Variants in CCDC73 observed in about 807,000 individuals in gnomAD.
CCDC73 encodes coiled-coil domain containing 73.
Under a neutral mutation model 116.5 loss-of-function variants are expected in CCDC73, and 95 were observed. The ratio of observed to expected loss-of-function variants is 0.82; its 90% confidence interval spans 0.69 to 0.97. The LOEUF (loss-of-function observed/expected upper bound fraction) is 0.97, where lower values mean the gene tolerates loss of function less well. Ranked by LOEUF, CCDC73 falls within the 50% of genes least tolerant of loss-of-function variation. The pLI is 0.00. For synonymous variants in CCDC73, 398 were observed against 401.3 expected (o/e 0.99, Z 0.10); for missense variants, 1,066 against 1,206.8 (o/e 0.88, Z 1.73).
At chr11:32,663,898 G>T (rs1442781378) in intron 9 of CCDC73, among the ~76,000 whole-genome samples, 1 of 152,164 alleles carries the variant, frequency 6.6e-6, no homozygotes, top group Non-Finnish European at 1.5e-5. Flanking sequence ...AAGGGCTGTT[G>T]AATTTTGTCA....
chr11:32,628,458 G>A (rs1291685704), intron 14 of CCDC73, among the ~76,000 whole-genome samples: 1 of 152,188 alleles, frequency 6.6e-6, no homozygotes, highest in Non-Finnish European at 1.5e-5. Flanking sequence ...AGTAGTAAAA[G>A]TCCATGAAGA....
Position 32,631,879 on chromosome 11 carries a change from G to A in CCDC73, c.1185+3817C>T, listed in dbSNP as rs149469565. On this transcript the variant is annotated intron_variant, in intron 14 of 17. Transcript: ENST00000335185. ...ATATAGGCAGGCAGGCAGGCAGATA[G>A]ACAGACAGACACAGAGATATATACA... Among the ~76,000 whole-genome samples, 81 of 152,100 alleles carry A rather than the reference G, an allele frequency of 5.3e-4. 1 individual carries two copies. The highest frequency in any genetic ancestry group is 1.9e-3 in the African/African-American group (78 of 41,488).
At chr11:32,657,310 A>G (rs1312948545) in intron 9 of CCDC73, among the ~76,000 whole-genome samples, 1 of 152,230 alleles carries the variant, frequency 6.6e-6, no homozygotes, top group Non-Finnish European at 1.5e-5. Flanking sequence ...TTGGATATGT[A>G]CACTGCATAA....
intron 9 of CCDC73, among the ~76,000 whole-genome samples, chr11:32,672,291 G>A (rs904796854): frequency 6.6e-6 from 1 of 152,134 alleles, no homozygotes; most frequent in South Asian, 2.1e-4. Context: ...GCAATGAGCC[G>A]AGATTGCGCC....
At chr11:32,683,657 A>G (rs1590592076) in intron 6 of CCDC73, 83 bp from the exon 7 acceptor site, 1 of 788,734 alleles carries the variant, frequency 1.3e-6, no homozygotes, top group Non-Finnish European at 2.1e-6. Flanking sequence ...TGCGTGCTAT[A>G]AAATGTGGCA....
intron 7 of CCDC73, among the ~76,000 whole-genome samples, chr11:32,678,911 CACACACACACAG>C (rs1856118814): frequency 6.7e-6 from 1 of 148,426 alleles, no homozygotes; most frequent in Admixed American, 6.8e-5. Context: ...TATATATATA[CACACACACACAG>C]ACACACACAC....
intron 6 of CCDC73, among the ~76,000 whole-genome samples, chr11:32,684,009 G>C (rs1856171599): frequency 6.6e-6 from 1 of 151,948 alleles, no homozygotes; most frequent in African/African-American, 2.4e-5. Context: ...ACAATCCACA[G>C]ATAACAGTCA....
the CCDC73 span, among the ~76,000 whole-genome samples, chr11:32,819,248 C>T: frequency 6.6e-6 from 1 of 150,860 alleles, no homozygotes; most frequent in African/African-American, 2.4e-5. Context: ...TTCAAATTAT[C>T]ATGATTACGA....
chr11:32,664,482 T>C (rs943326787), intron 9 of CCDC73, among the ~76,000 whole-genome samples: 1 of 152,246 alleles, frequency 6.6e-6, no homozygotes, highest in African/African-American at 2.4e-5. Context: ...GTGTTTATAG[T>C]ATTCTCTGAT....
chr11:32,611,991 G>A (rs930257377), intron 16 of CCDC73, among the ~76,000 whole-genome samples: 2 of 152,138 alleles, frequency 1.3e-5, no homozygotes, highest in African/African-American at 4.8e-5. Context: ...AATATATTTT[G>A]TGACCTTGAA....
intron 9 of CCDC73, 49 bp downstream of exon 9, chr11:32,675,516 T>C (rs1384808058): frequency 2.5e-6 from 3 of 1,199,186 alleles, no homozygotes; most frequent in African/African-American, 3.1e-5. Context: ...CATAAGACTA[T>C]TTTATATTAT....
Position 32,641,959 on chromosome 11 carries a change from T to G in CCDC73, c.1050+13A>C. ...TTAAAATATTTTAATATTTTTCTAT[T>G]TAATAAACTTACATGTCTTTTCCAA... On this transcript the variant is annotated intron_variant, in intron 13 of 17. Transcript: ENST00000335185. 7.0e-7 allele frequency: 1 copy of G among 1,431,622 alleles called. No homozygotes were observed. Among genetic ancestry groups the G allele is most frequent in the Non-Finnish European group, 9.2e-7 (1 of 1,084,136 alleles). 88.7% of individuals were successfully genotyped at this position (1,431,622 alleles called of 1,614,324 possible).
At chr11:32,805,987 C>G in the CCDC73 span, among the ~76,000 whole-genome samples, 1 of 152,230 alleles carries the variant, frequency 6.6e-6, no homozygotes, top group African/African-American at 2.4e-5. Flanking sequence ...CAAAGTTAAA[C>G]AAGCTATAGC....
chr11:32,700,459 T>C (rs1300204537), intron 5 of CCDC73, among the ~76,000 whole-genome samples: 1 of 152,200 alleles, frequency 6.6e-6, no homozygotes, highest in Non-Finnish European at 1.5e-5. Flanking sequence ...ATAGAAACAC[T>C]GCAGTGGAAT....
chr11:32,699,314 T>C lies in CCDC73; in HGVS notation c.327A>G (p.Gln109=), dbSNP rs746684243. 4 of 1,573,814 alleles carry C rather than the reference T, an allele frequency of 2.5e-6. No individual in the cohort carries two copies. Among genetic ancestry groups the C allele is most frequent in the Admixed American group, 3.5e-5 (2 of 57,506 alleles). ...CALEEEKGKY[Q]LATEIKEKEI... is the part of the protein sequence containing the mutation. ...CTTTTTCCTTTATTTCTGTAGCAAG[T>C]TGATATTTTCCCTTTAAGTAAAAAA... The change falls in exon 6 of 18, where the codon CAA becomes CAG. Residue 109 remains glutamine, a synonymous_variant. Transcript: ENST00000335185.
At chr11:32,633,120 C>A (rs1434698408) in intron 14 of CCDC73, among the ~76,000 whole-genome samples, 1 of 152,196 alleles carries the variant, frequency 6.6e-6, no homozygotes, top group Non-Finnish European at 1.5e-5. Flanking sequence ...GTGGCACGAT[C>A]TCGGCTCACT....
At chr11:32,677,098 T>G (rs1856096347) in intron 7 of CCDC73, among the ~76,000 whole-genome samples, 1 of 152,224 alleles carries the variant, frequency 6.6e-6, no homozygotes, top group African/African-American at 2.4e-5. Flanking sequence ...TCCCAACTGC[T>G]TCACTTTCTA....
chr11:32,687,204 T>G (rs1856209993), intron 6 of CCDC73, among the ~76,000 whole-genome samples: 1 of 152,164 alleles, frequency 6.6e-6, no homozygotes, highest in Non-Finnish European at 1.5e-5. Context: ...CAATAAGGTA[T>G]GTGAGGAAGT....
chr11:32,732,216 G>T (rs1294519849), intron 2 of CCDC73, among the ~76,000 whole-genome samples: 2 of 152,124 alleles, frequency 1.3e-5, no homozygotes, highest in South Asian at 4.1e-4. Context: ...GAAGTTTACA[G>T]AAAAAAGAGT....
Sources: gnomAD v4.1 joint callset for allele counts (sites outside exome capture counted in the v4.1 genomes callset) on GRCh38, gnomAD v4.1.1 for gene constraint, MANE v1.5 for transcripts, NCBI Gene and HGNC (gene_info 2026-07-23, HGNC 2026-07-21) for gene names.